The following RAD51B variants were observed in gnomAD, a reference collection of about 807,000 sequenced individuals.
RAD51B encodes RAD51 paralog B.
A neutral mutation model predicts 42.2 loss-of-function variants in RAD51B; 38 were observed. The ratio of observed to expected loss-of-function variants is 0.90; its 90% confidence interval spans 0.70 to 1.18. RAD51B has a LOEUF of 1.18. RAD51B is among the 50% of genes most tolerant of loss of function. The probability of loss-of-function intolerance (pLI) is 0.00; values close to 1 mark genes in which losing one functional copy is unlikely to be tolerated. For missense variants in RAD51B, 373 were observed against 400.7 expected, an observed-to-expected ratio of 0.93 and a Z score of 0.59; for synonymous variants, 154 against 145.2, an observed-to-expected ratio of 1.06 and a Z score of -0.43.
At chr14:68,438,442 C>T (rs762923007) in intron 9 of RAD51B, among the ~76,000 whole-genome samples, 1 of 152,110 alleles carries the variant, frequency 6.6e-6, no homozygotes, top group East Asian at 1.9e-4. Flanking sequence ...GGGAGGGAGG[C>T]AAGAGCTGGC....
At chr14:68,126,183 G>A (rs911312156) in intron 7 of RAD51B, among the ~76,000 whole-genome samples, 5 of 152,042 alleles carry the variant, frequency 3.3e-5, no homozygotes, top group Non-Finnish European at 4.4e-5. Flanking sequence ...ATTTTTTACT[G>A]TAGTAACAAC....
intron 10 of RAD51B, among the ~76,000 whole-genome samples, chr14:68,584,656 G>T (rs981059432): frequency 5.9e-5 from 9 of 152,178 alleles, no homozygotes; most frequent in Middle Eastern, 3.4e-3. Flanking sequence ...GTCCTTCAAG[G>T]TGACTTGAGA....
At chr14:68,517,275 G>A (rs1191590108) in intron 10 of RAD51B, among the ~76,000 whole-genome samples, 2 of 152,114 alleles carry the variant, frequency 1.3e-5, no homozygotes, top group Non-Finnish European at 2.9e-5. Flanking sequence ...GCAGAGAGGG[G>A]AGAGGAGGGG....
At chr14:68,403,924 G>A (rs866545143) in intron 8 of RAD51B, among the ~76,000 whole-genome samples, 2 of 152,252 alleles carry the variant, frequency 1.3e-5, no homozygotes, top group Middle Eastern at 3.4e-3. Context: ...AGAACCTCTG[G>A]TTGCCTGGAG....
intron 7 of RAD51B, among the ~76,000 whole-genome samples, chr14:68,040,583 A>C (rs2076202600): frequency 6.6e-6 from 1 of 152,244 alleles, no homozygotes; most frequent in Admixed American, 6.5e-5. Flanking sequence ...TGATGATAAT[A>C]GCTAGGCATT....
chr14:68,239,955 T>G (rs2140999781), intron 7 of RAD51B, among the ~76,000 whole-genome samples: 1 of 152,354 alleles, frequency 6.6e-6, no homozygotes, highest in East Asian at 1.9e-4. Context: ...AACTGTTCCT[T>G]ATTTTTACAC....
chr14:68,320,062 T>C (rs986462962), intron 8 of RAD51B, among the ~76,000 whole-genome samples: 2 of 152,218 alleles, frequency 1.3e-5, no homozygotes, highest in African/African-American at 4.8e-5. Context: ...CAGTAACCAT[T>C]GTACTACTGC....
At chr14:67,940,836 T>C (rs1488913850) in intron 7 of RAD51B, among the ~76,000 whole-genome samples, 2 of 152,212 alleles carry the variant, frequency 1.3e-5, no homozygotes, top group Admixed American at 6.5e-5. Flanking sequence ...TCCCATATTA[T>C]ACAAATGTTC....
At chr14:68,554,807 G>A (rs1888748795) in intron 10 of RAD51B, among the ~76,000 whole-genome samples, 1 of 151,764 alleles carries the variant, frequency 6.6e-6, no homozygotes, top group Non-Finnish European at 1.5e-5. Context: ...TACTTAAAAA[G>A]TAATTGTTGA....
intron 7 of RAD51B, among the ~76,000 whole-genome samples, chr14:68,035,937 A>G (rs1035981854): frequency 6.6e-6 from 1 of 152,188 alleles, no homozygotes; most frequent in Non-Finnish European, 1.5e-5. Flanking sequence ...AAAGAAGTGG[A>G]AATTTGATAT....
intron 7 of RAD51B, among the ~76,000 whole-genome samples, chr14:68,231,896 T>G (rs529813872): frequency 6.6e-6 from 1 of 152,130 alleles, no homozygotes; most frequent in Non-Finnish European, 1.5e-5. Flanking sequence ...TTATTATTGA[T>G]AGTAGACACA....
intron 10 of RAD51B, among the ~76,000 whole-genome samples, chr14:68,589,251 A>T (rs1004504903): frequency 6.6e-6 from 1 of 152,170 alleles, no homozygotes; most frequent in Admixed American, 6.5e-5. Flanking sequence ...CGAGCCTTGA[A>T]CGACTAGCCT....
intron 11 of RAD51B, among the ~76,000 whole-genome samples, chr14:68,654,123 G>T (rs1182387356): frequency 6.6e-6 from 1 of 152,408 alleles, no homozygotes; most frequent in South Asian, 2.1e-4. Flanking sequence ...GGGCTTGAAT[G>T]AAGGCATTGG....
rs1260849587 is a variant in RAD51B at position 67,893,494 on chromosome 14, ACACAC to A, written c.756+6291_756+6295del. Among the ~76,000 whole-genome samples the A allele has an allele frequency of 9.3e-4, 79 of 85,380 alleles. 1 individual carries two copies. The highest frequency in any genetic ancestry group is 1.8e-3 in the African/African-American group (31 of 17,528). The allele number at this position is 85,380 out of a possible 152,430, so 56.0% of individuals were successfully genotyped here. A position where few individuals can be genotyped will look rare whatever the true frequency, so the allele number is the denominator to read the frequency against. On this transcript the variant is annotated intron_variant, in intron 7 of 10. Transcript: ENST00000471583. ...CACACACACACACACACACACACAC[ACACAC>A]ACACACACACAAAAAAAAACAATTA...
rs780137340 is a variant in RAD51B, at chr14:67,885,858, T to C, written c.453-11T>C. Reference sequence around the variant, plus strand: ...GACTGTTTTCGTTTGTGCTATTTTTTTCACCCACAGACTGGTTGAAATAGC... The same window carrying C: ...GACTGTTTTCGTTTGTGCTATTTTTCTCACCCACAGACTGGTTGAAATAGC... On this transcript the variant is annotated splice_polypyrimidine_tract_variant and intron_variant, in intron 5 of 10. Coordinates refer to ENST00000471583, the MANE Select transcript of RAD51B (RefSeq NM_133510.4). 32 of 1,580,954 alleles carry C rather than the reference T, an allele frequency of 2.0e-5. No individual in the cohort carries two copies. The highest frequency in any genetic ancestry group is 2.8e-5 in the Non-Finnish European group (32 of 1,162,150).
chr14:68,372,357 T>C (rs976137018), intron 8 of RAD51B, among the ~76,000 whole-genome samples: 1 of 152,148 alleles, frequency 6.6e-6, no homozygotes, highest in African/African-American at 2.4e-5. Context: ...AAAGGAGGTT[T>C]TTTTTTTAAG....
chr14:67,835,044 G>C (rs1566914460), intron 3 of RAD51B, 36 bp from the exon 4 acceptor site: 3 of 1,451,094 alleles, frequency 2.1e-6, no homozygotes, highest in Non-Finnish European at 2.9e-6. Flanking sequence ...AATATATATA[G>C]AGGTTGAAAA....
chr14:67,829,850 A>G lies in RAD51B; in HGVS notation c.198+4273A>G, dbSNP rs971350858. Among the ~76,000 whole-genome samples, 3 of 152,224 alleles carry G rather than the reference A, an allele frequency of 2.0e-5. No individual in the cohort carries two copies. In the East Asian group the frequency reaches 5.8e-4, roughly 29 times the overall value. ...ATTCAGAAATAATTAGTTAATTATA[A>G]TAGTGCTAAATCCTATGAAGGAAAA... On this transcript the variant is annotated intron_variant, in intron 3 of 10. Coordinates refer to ENST00000471583, the MANE Select transcript of RAD51B (RefSeq NM_133510.4).
At chr14:68,172,865 C>G (rs1357622670) in intron 7 of RAD51B, among the ~76,000 whole-genome samples, 1 of 152,128 alleles carries the variant, frequency 6.6e-6, no homozygotes, top group Non-Finnish European at 1.5e-5. Context: ...GTAGTTTGCC[C>G]TTCCTGTATT....
Sources: gnomAD v4.1 joint callset for allele counts (sites outside exome capture counted in the v4.1 genomes callset) on GRCh38, gnomAD v4.1.1 for gene constraint, MANE v1.5 for transcripts, NCBI Gene and HGNC (gene_info 2026-07-23, HGNC 2026-07-21) for gene names.